The following CNTNAP1 variants were observed in gnomAD, a reference collection of about 807,000 sequenced individuals.
CNTNAP1 encodes the protein contactin-associated protein 1.
In CNTNAP1, 80 loss-of-function variants were observed where a neutral mutation model predicts 161.5. The ratio of observed to expected loss-of-function variants is 0.50; its 90% CI spans 0.41 to 0.60. The LOEUF is 0.60. Ranked by LOEUF, CNTNAP1 falls within the 20% of genes least tolerant of loss-of-function variation. The pLI is 0.00. For synonymous variants in CNTNAP1, 695 were observed against 733.1 expected (o/e 0.95, Z 0.84); for missense variants, 1,464 against 1,854.8 (o/e 0.79, Z 3.87).
At position 42,695,860 on chromosome 17, in the gene CNTNAP1, T is replaced by C. The variant is rs1356187265; in HGVS notation, c.3332T>C (p.Leu1111Pro). The C allele has an allele frequency of 7.4e-6, 12 of 1,611,356 alleles. No individual in the cohort carries two copies. Among genetic ancestry groups the C allele is most frequent in the Non-Finnish European group, 8.5e-6 (10 of 1,177,848 alleles). The change falls in exon 19 of 24, where the codon CTC becomes CCC. Residue 1111 changes from leucine (L) to proline (P), a missense_variant. This residue lies in a region of CNTNAP1 where 1,383 missense variants were observed against 1,765.0 expected (regional missense o/e 0.78). Transcript: ENST00000264638. ...TTTGTTCGTGACTACATGGCTGTGC[T>C]CATCAAGGATGATGGTAAGCTCTCC... ...SSFVRDYMAV[L>P]IKDDGTLQLR...
chr17:42,692,071 C>T (rs2053094533), intron 16 of CNTNAP1, 80 bp downstream of exon 16: 1 of 1,453,534 alleles, frequency 6.9e-7, no homozygotes, highest in Non-Finnish European at 9.5e-7. Context: ...GGGGTTGGAG[C>T]CAAGGGCAGA....
chr17:42,689,855 C>T (rs932510617), intron 11 of CNTNAP1: 14 of 579,692 alleles, frequency 2.4e-5, no homozygotes, highest in African/African-American at 2.3e-4. Context: ...ATTCTCCTGC[C>T]TCAGCCTCCT....
intron 10 of CNTNAP1, 108 bp from the exon 11 acceptor site, chr17:42,689,413 C>T (rs1315406535): frequency 1.2e-6 from 1 of 856,722 alleles, no homozygotes; most frequent in African/African-American, 1.7e-5. Flanking sequence ...GGGTGTGTCT[C>T]ACCGGGTTCT....
intron 1 of CNTNAP1, 22 bp downstream of exon 1, chr17:42,682,918 A>T (rs1398177012): frequency 1.9e-6 from 3 of 1,587,776 alleles, no homozygotes; most frequent in South Asian, 2.3e-5. Context: ...GCTTGGAGGC[A>T]GGTGGGGTTG....
At chr17:42,694,091 C>T (rs1269768911) in intron 18 of CNTNAP1, among the ~76,000 whole-genome samples, 1 of 151,934 alleles carries the variant, frequency 6.6e-6, no homozygotes, top group East Asian at 1.9e-4. Flanking sequence ...GAACTCTTGA[C>T]CTTGTGATCT....
Position 42,699,017 on chromosome 17 carries a change from C to A in CNTNAP1, c.*107C>A. Reference sequence around the variant, plus strand: ...GCTCCTCTTAGCTGGCTCTGCTCATCCAGAGGATATTCCCCCATCCCCCCC... The same window carrying A: ...GCTCCTCTTAGCTGGCTCTGCTCATACAGAGGATATTCCCCCATCCCCCCC... On this transcript the variant is annotated 3_prime_UTR_variant, in exon 24 of 24. Transcript: ENST00000264638. 1.0e-6 allele frequency: 1 copy of A among 988,528 alleles called. No homozygotes were observed. Among genetic ancestry groups the A allele is most frequent in the Non-Finnish European group, 1.4e-6 (1 of 695,502 alleles). 61.2% of individuals were successfully genotyped at this position (988,528 alleles called of 1,614,324 possible).
Position 42,689,508 on chromosome 17 carries a change from A to C in CNTNAP1, c.1629-13A>C. On this transcript the variant is annotated splice_polypyrimidine_tract_variant and intron_variant, in intron 10 of 23. Coordinates refer to ENST00000264638, the MANE Select transcript of CNTNAP1 (RefSeq NM_003632.3). The stretch of plus-strand genomic sequence containing the variant: ...AGTAAGGCTCCTTCCCTTGGTCCTG[A>C]CCCCTTCCCTAGGTGCAGCCCTAAC... The C allele has an allele frequency of 6.2e-7, 1 of 1,608,552 alleles. No homozygotes were observed. The highest frequency in any genetic ancestry group is 8.5e-7 in the Non-Finnish European group (1 of 1,176,104).
rs182255905 is a variant in CNTNAP1, at chr17:42,696,366, C to T, written c.3474+214C>T. Among the ~76,000 whole-genome samples, 522 of 149,134 alleles carry T rather than the reference C, an allele frequency of 3.5e-3. 3 individuals carry two copies. The highest frequency in any genetic ancestry group is 5.3e-3 in the Non-Finnish European group (356 of 67,694). On this transcript the variant is annotated intron_variant, in intron 20 of 23. Coordinates refer to ENST00000264638, the MANE Select transcript of CNTNAP1 (RefSeq NM_003632.3). ...GAGATGGAATTTTGCTCTTGTTGCC[C>T]AGGCTGGAGTGCAATGGTGTGATCT...
intron 9 of CNTNAP1, 59 bp from the exon 10 acceptor site, chr17:42,688,817 C>G: frequency 6.3e-7 from 1 of 1,597,552 alleles, no homozygotes; most frequent in Non-Finnish European, 8.6e-7. Flanking sequence ...CAGCATGTCC[C>G]TGGGGGAGGG....
Position 42,697,771 on chromosome 17 carries a change from T to A in CNTNAP1, c.3786T>A (p.Pro1262=). Residue 1262 remains proline (P), a synonymous_variant, in exon 22 of 24, where the codon CCT becomes CCA. Transcript: ENST00000264638. ...AMPRLVSEVP[P]ELDPWYLPPD... Reference sequence around the variant, plus strand: ...CACGTCTTGTTTCAGAGGTGCCACCTGAGCTTGATCCCTGGTATCTGCCCC... The same window carrying A: ...CACGTCTTGTTTCAGAGGTGCCACCAGAGCTTGATCCCTGGTATCTGCCCC... 6.2e-7 allele frequency: 1 copy of A among 1,614,188 alleles called. No individual in the cohort carries two copies. Among genetic ancestry groups the A allele is most frequent in the Non-Finnish European group, 8.5e-7 (1 of 1,180,038 alleles).
In CNTNAP1 at chr17:42,697,261, CT is replaced by C. The variant is rs2053163209; in HGVS notation, c.3475-12del. On this transcript the variant is annotated splice_polypyrimidine_tract_variant and intron_variant, in intron 20 of 23. Transcript: ENST00000264638. Reference sequence around the variant, plus strand: ...CTCCCTCATCGCCCTCCCCCTCCCCCTCCCCACCTCAGGTGGACTACTTCCC... The same window carrying C: ...CTCCCTCATCGCCCTCCCCCTCCCCCCCCCACCTCAGGTGGACTACTTCCC... The C allele has an allele frequency of 1.9e-6, 3 of 1,604,012 alleles. No homozygotes were observed. The highest frequency in any genetic ancestry group is 2.6e-6 in the Non-Finnish European group (3 of 1,170,948).
intron 17 of CNTNAP1, 80 bp downstream of exon 17, chr17:42,692,800 C>T (rs1480230582): frequency 3.7e-6 from 5 of 1,345,790 alleles, no homozygotes; most frequent in Non-Finnish European, 5.1e-6. Flanking sequence ...TTTCCAGGAG[C>T]CTCCTGTCTT....
At chr17:42,688,010 AGAG>A (rs1305891718) in intron 8 of CNTNAP1, 29 bp downstream of exon 8, 1 of 1,603,850 alleles carries the variant, frequency 6.2e-7, no homozygotes, top group East Asian at 2.2e-5. Flanking sequence ...AGGCACAAGA[AGAG>A]AAGAGAAGTG....
chr17:42,685,861 C>T lies in CNTNAP1; in HGVS notation c.716-96C>T, dbSNP rs1411029750. ...CTATTCGCCCACTCTCCCTGATTGCCCTGGGCTTTGTTACACGCTGCTGCT... is the reference window on the plus strand; with the variant it reads ...CTATTCGCCCACTCTCCCTGATTGCTCTGGGCTTTGTTACACGCTGCTGCT... On this transcript the variant is annotated intron_variant, in intron 5 of 23. Transcript: ENST00000264638. This position sits in a 1 kb window ranked among gnomAD's most constrained non-coding sequence, Gnocchi z 5.0. The T allele has an allele frequency of 3.7e-6, 5 of 1,334,984 alleles. No homozygotes were observed. The highest frequency in any genetic ancestry group is 5.2e-6 in the Non-Finnish European group (5 of 960,174). 82.7% of individuals were successfully genotyped at this position (1,334,984 alleles called of 1,614,324 possible).
rs1371624606 is a variant in CNTNAP1 at position 42,682,651 on chromosome 17, A to G, written c.-179A>G. 5 of 622,880 alleles carry G rather than the reference A, an allele frequency of 8.0e-6. No homozygotes were observed. Among genetic ancestry groups the G allele is most frequent in the Non-Finnish European group, 1.4e-5 (5 of 350,254 alleles). 38.6% of individuals were successfully genotyped at this position (622,880 alleles called of 1,614,324 possible). ...CCAGGAACCAGAGAGAGAGAGAGAG[A>G]AAAGAGAGAGGAGAGACAGAGCGCT... On this transcript the variant is annotated 5_prime_UTR_variant, in exon 1 of 24. Coordinates refer to ENST00000264638, the MANE Select transcript of CNTNAP1 (RefSeq NM_003632.3).
In CNTNAP1 at chr17:42,698,818, T is replaced by TCAGCGC. The variant is rs1555644569; in HGVS notation, c.4067_4068insGCCAGC (p.Ala1360_Pro1361dup). ...AGCAGCTCCCAACCAAGCTCCAGCC[T>TCAGCGC]CAGCCCCAGCCCCAGCCCCAACTCC... is the stretch of plus-strand genomic sequence containing the variant. On this transcript the variant is annotated inframe_insertion, in exon 24 of 24. Transcript: ENST00000264638. The TCAGCGC allele has an allele frequency of 6.2e-7, 1 of 1,603,252 alleles. No individual in the cohort carries two copies. The highest frequency in any genetic ancestry group is 1.1e-5 in the South Asian group (1 of 90,832).
intron 8 of CNTNAP1, 91 bp downstream of exon 8, chr17:42,688,072 TGGA>T: frequency 6.6e-7 from 1 of 1,513,902 alleles, no homozygotes; most frequent in Non-Finnish European, 8.8e-7. Context: ...CTTTACATTC[TGGA>T]GAGGGGAGAG....
chr17:42,689,820 A>C lies in CNTNAP1; in HGVS notation c.1735+193A>C, dbSNP rs1326529013. 5.1e-6 allele frequency: 3 copies of C among 591,966 alleles called. No individual in the cohort carries two copies. The African/African-American group carries it at 5.6e-5, about 11-fold the overall frequency. 36.7% of individuals were successfully genotyped at this position (591,966 alleles called of 1,614,324 possible). Reference sequence around the variant, plus strand: ...CAGTGGTGCCATCTGGGCTCGCTGCAACCTCTGCCTCCTGGGTTCAAGCGA... The same window carrying C: ...CAGTGGTGCCATCTGGGCTCGCTGCCACCTCTGCCTCCTGGGTTCAAGCGA... On this transcript the variant is annotated intron_variant, in intron 11 of 23. Transcript: ENST00000264638.
chr17:42,691,070 A>G lies in CNTNAP1; in HGVS notation c.2060-67A>G. ...CAAGGAGGGGTCTGAACTCGCTGGA[A>G]GGGCGAGAGGAGCCCAGAGGCTAAT... On this transcript the variant is annotated intron_variant, in intron 13 of 23. Transcript: ENST00000264638. This position sits in a 1 kb window ranked among gnomAD's most constrained non-coding sequence, Gnocchi z 4.3. The G allele has an allele frequency of 1.9e-6, 3 of 1,597,498 alleles. No individual in the cohort carries two copies. The highest frequency in any genetic ancestry group is 1.1e-5 in the South Asian group (1 of 88,404).
Sources: gnomAD v4.1 joint callset for allele counts (sites outside exome capture counted in the v4.1 genomes callset) on GRCh38, gnomAD v4.1.1 for gene constraint, gnomAD v4.1.1 regional missense constraint, Gnocchi (gnomAD v3.1) non-coding constraint, MANE v1.5 for transcripts, NCBI Gene and HGNC (gene_info 2026-07-23, HGNC 2026-07-21) for gene names.